TRAPPC9: variants seen among roughly 807,000 people sequenced by gnomAD.
The protein encoded by TRAPPC9 is IKK2 binding protein.
TRAPPC9 carries 83 observed loss-of-function variants against 124.0 expected under a neutral mutation model. The ratio of observed to expected loss-of-function variants is 0.67; its 90% CI spans 0.56 to 0.80. The LOEUF is 0.80. Among genes scored for constraint, TRAPPC9 ranks in the 30% least tolerant of loss-of-function variants. The pLI, the probability that TRAPPC9 is intolerant of heterozygous loss-of-function variation, is 0.00. For missense variants in TRAPPC9, 1,302 were observed against 1,508.3 expected (o/e 0.86, Z 2.27); for synonymous variants, 638 against 617.5 (o/e 1.03, Z -0.49).
intron 17 of TRAPPC9, among the ~76,000 whole-genome samples, chr8:140,123,835 G>T (rs986579203): frequency 2.0e-5 from 3 of 152,236 alleles, no homozygotes; most frequent in African/African-American, 7.2e-5. Context: ...TGGAAGTCTT[G>T]AGTTCTTTGT....
Position 140,402,587 on chromosome 8 carries a change from C to T in TRAPPC9, c.1008+2990G>A, listed in dbSNP as rs147457053. On this transcript the variant is annotated intron_variant, in intron 6 of 22. Transcript: ENST00000438773. ...GTTGCACACCTGTAGTCCCAGCACA[C>T]AGGAAGCCAGAGGTGGGGGGATCAC... Among the ~76,000 whole-genome samples, 544 of 151,276 alleles carry T rather than the reference C, an allele frequency of 3.6e-3. 5 individuals carry two copies. The highest frequency in any genetic ancestry group is 0.013 in the African/African-American group (518 of 41,172).
At chr8:139,913,694 C>A (rs891279686) in intron 19 of TRAPPC9, among the ~76,000 whole-genome samples, 3 of 152,194 alleles carry the variant, frequency 2.0e-5, no homozygotes, top group South Asian at 4.1e-4. Flanking sequence ...TCCCAAAGGC[C>A]GCGTTCCTTT....
intron 21 of TRAPPC9, among the ~76,000 whole-genome samples, chr8:139,767,431 G>C (rs1175055845): frequency 6.6e-6 from 1 of 152,164 alleles, no homozygotes; most frequent in Non-Finnish European, 1.5e-5. Flanking sequence ...CCATCCTCAC[G>C]AGGGCAGCAT....
chr8:139,765,242 T>C (rs1820506824), intron 21 of TRAPPC9, among the ~76,000 whole-genome samples: 1 of 152,134 alleles, frequency 6.6e-6, no homozygotes, highest in Admixed American at 6.5e-5. Flanking sequence ...AGGACCTGGG[T>C]AACTGCCCAA....
At chr8:140,387,228 G>A (rs115742968) in intron 7 of TRAPPC9, among the ~76,000 whole-genome samples, 5,157 of 152,152 alleles carry the variant, frequency 0.034, 186 homozygotes, top group African/African-American at 0.091. Flanking sequence ...TTTAAGCTAA[G>A]TCTTTAACTA....
At chr8:139,981,404 T>C (rs1013426364) in intron 19 of TRAPPC9, among the ~76,000 whole-genome samples, 7 of 152,296 alleles carry the variant, frequency 4.6e-5, no homozygotes, top group South Asian at 2.1e-4. Context: ...TCCTTTCAGA[T>C]TGAAAAACGA....
chr8:139,762,564 T>C (rs1820313687), intron 21 of TRAPPC9, among the ~76,000 whole-genome samples: 1 of 152,176 alleles, frequency 6.6e-6, no homozygotes, highest in Non-Finnish European at 1.5e-5. Context: ...TAAGTATTTG[T>C]GTATTACCCA....
rs934270734 is a variant in TRAPPC9 at position 140,201,129 on chromosome 8, C to T, written c.2556+20330G>A. Among the ~76,000 whole-genome samples, 6 of 152,148 alleles carry T rather than the reference C, an allele frequency of 3.9e-5. No individual in the cohort carries two copies. The East Asian group carries it at 1.2e-3, about 29-fold the overall frequency. ...AGGGGGAAGAAGAGTGTGACGGAGGCAAGTGGACAGCCAGGCAGAGGCGGG... is the reference window on the plus strand; with the variant it reads ...AGGGGGAAGAAGAGTGTGACGGAGGTAAGTGGACAGCCAGGCAGAGGCGGG... On this transcript the variant is annotated intron_variant, in intron 17 of 22. Coordinates refer to ENST00000438773, the MANE Select transcript of TRAPPC9 (RefSeq NM_001160372.4).
intron 17 of TRAPPC9, among the ~76,000 whole-genome samples, chr8:140,092,451 C>G (rs2130199942): frequency 6.6e-6 from 1 of 152,312 alleles, no homozygotes; most frequent in Non-Finnish European, 1.5e-5. Flanking sequence ...CCTGCCTCAG[C>G]CTCCCAAAGT....
At chr8:140,040,371 T>G (rs1027833442) in intron 17 of TRAPPC9, 1 of 152,162 alleles carries the variant, frequency 6.6e-6, no homozygotes, top group Non-Finnish European at 1.5e-5. Flanking sequence ...AGTGGCAAGG[T>G]CATCTCTGAG....
chr8:140,176,223 T>G (rs976569777), intron 17 of TRAPPC9, among the ~76,000 whole-genome samples: 2 of 152,204 alleles, frequency 1.3e-5, no homozygotes, highest in Non-Finnish European at 2.9e-5. Flanking sequence ...AAACCACCCC[T>G]AATAAATTAA....
At chr8:140,237,971 T>G (rs1296438120) in intron 16 of TRAPPC9, among the ~76,000 whole-genome samples, 1 of 152,190 alleles carries the variant, frequency 6.6e-6, no homozygotes, top group Admixed American at 6.5e-5. Context: ...TTGGCAAGAC[T>G]TGGTGTGATC....
chr8:140,061,799 C>T (rs1297421909), intron 17 of TRAPPC9, among the ~76,000 whole-genome samples: 1 of 152,194 alleles, frequency 6.6e-6, no homozygotes, highest in Non-Finnish European at 1.5e-5. Flanking sequence ...GCTTTGGAGA[C>T]CTCTGATCCT....
At chr8:140,308,224 T>C (rs2131864605) in intron 10 of TRAPPC9, among the ~76,000 whole-genome samples, 1 of 151,674 alleles carries the variant, frequency 6.6e-6, no homozygotes, top group Non-Finnish European at 1.5e-5. Context: ...ACCAAGGAAA[T>C]AGGGCGCTCA....
chr8:140,247,333 G>A lies in TRAPPC9; in HGVS notation c.2431+5444C>T, dbSNP rs867521349. On this transcript the variant is annotated intron_variant, in intron 16 of 22. Coordinates refer to ENST00000438773, the MANE Select transcript of TRAPPC9 (RefSeq NM_001160372.4). The stretch of plus-strand genomic sequence containing the variant: ...TCTGGCTTAAATTTTCATTACATGA[G>A]TAGCTAGACATAGTCTAGATACATG... 3.3e-5 allele frequency among the ~76,000 whole-genome samples: 5 copies of A among 152,304 alleles called. No homozygotes were observed. In the Middle Eastern group the frequency reaches 0.014, roughly 414 times the overall value.
At chr8:139,764,946 A>G (rs1261103198) in intron 21 of TRAPPC9, among the ~76,000 whole-genome samples, 1 of 151,826 alleles carries the variant, frequency 6.6e-6, no homozygotes, top group Non-Finnish European at 1.5e-5. Flanking sequence ...TTATCTAGAC[A>G]CTCTGCCTTC....
In TRAPPC9 at chr8:140,353,459, TACTC is replaced by T. The variant is rs1045789456; in HGVS notation, c.1495+6587_1495+6590del. On this transcript the variant is annotated intron_variant, in intron 9 of 22. Coordinates refer to ENST00000438773, the MANE Select transcript of TRAPPC9 (RefSeq NM_001160372.4). The surrounding 1 kb of genome is among the most constrained non-coding windows in gnomAD (Gnocchi z 4.2). Reference sequence around the variant, plus strand: ...GCAGAGCCTACATATGGTTGAACCTTACTCGCTCACCTGGGGCTTTTGATCCCAG... The same window carrying T: ...GCAGAGCCTACATATGGTTGAACCTTGCTCACCTGGGGCTTTTGATCCCAG... 2.0e-5 allele frequency among the ~76,000 whole-genome samples: 3 copies of T among 152,236 alleles called. No homozygotes were observed. Among genetic ancestry groups the T allele is most frequent in the Non-Finnish European group, 4.4e-5 (3 of 68,048 alleles).
chr8:139,783,693 G>A (rs1490617826), intron 21 of TRAPPC9, among the ~76,000 whole-genome samples: 2 of 152,176 alleles, frequency 1.3e-5, no homozygotes, highest in African/African-American at 4.8e-5. Flanking sequence ...AGACAGGAAT[G>A]TTACAAAAGA....
chr8:140,265,166 G>C (rs7005980), intron 15 of TRAPPC9, among the ~76,000 whole-genome samples: 30,045 of 151,990 alleles, frequency 0.2, 3,081 homozygotes, highest in Admixed American at 0.23. Flanking sequence ...AGAAGCAGCA[G>C]AGTGCAAGAG....
Sources: gnomAD v4.1 joint callset for allele counts (sites outside exome capture counted in the v4.1 genomes callset) on GRCh38, gnomAD v4.1.1 for gene constraint, Gnocchi (gnomAD v3.1) non-coding constraint, MANE v1.5 for transcripts, NCBI Gene and HGNC (gene_info 2026-07-23, HGNC 2026-07-21) for gene names.